Variants in ASIC2 observed in about 807,000 individuals in gnomAD.
The protein encoded by ASIC2 is acid-sensing ion channel 2.
A neutral mutation model predicts 57.3 loss-of-function variants in ASIC2; 25 were observed. That is an observed-to-expected ratio of 0.44 (90% CI 0.32 to 0.61). The LOEUF (loss-of-function observed/expected upper bound fraction) is 0.61. Among genes scored for constraint, ASIC2 ranks in the 20% least tolerant of loss-of-function variants. The pLI is 0.06. For synonymous variants in ASIC2, 319 were observed against 307.5 expected, an observed-to-expected ratio of 1.04 and a Z score of -0.39; for missense variants, 641 against 738.1, an observed-to-expected ratio of 0.87 and a Z score of 1.52.
intron 1 of ASIC2, among the ~76,000 whole-genome samples, chr17:33,839,185 T>C (rs2141906665): frequency 6.6e-6 from 1 of 152,166 alleles, no homozygotes; most frequent in Admixed American, 6.5e-5. Context: ...CTGGGGAGCA[T>C]CTAAGAGTGT....
At chr17:33,169,295 G>C (rs903208797) in intron 1 of ASIC2, among the ~76,000 whole-genome samples, 1 of 152,192 alleles carries the variant, frequency 6.6e-6, no homozygotes, top group Non-Finnish European at 1.5e-5. Context: ...CCCACTCAGG[G>C]GAGTGGTTCA....
At chr17:33,593,964 C>A (rs185343826) in intron 1 of ASIC2, among the ~76,000 whole-genome samples, 1 of 152,316 alleles carries the variant, frequency 6.6e-6, no homozygotes, top group East Asian at 1.9e-4. Context: ...GGCCAGACAG[C>A]ACCTAGTACT....
At chr17:33,227,218 T>C (rs577363623) in intron 1 of ASIC2, among the ~76,000 whole-genome samples, 1 of 152,210 alleles carries the variant, frequency 6.6e-6, no homozygotes, top group Admixed American at 6.5e-5. Context: ...CTTGCCACCC[T>C]AGTTGGAGGG....
At chr17:33,974,050 A>T (rs1397594334) in intron 1 of ASIC2, among the ~76,000 whole-genome samples, 1 of 151,394 alleles carries the variant, frequency 6.6e-6, no homozygotes, top group Non-Finnish European at 1.5e-5. Flanking sequence ...ATCCCCATTC[A>T]CTCAGTCTTC....
intron 1 of ASIC2, among the ~76,000 whole-genome samples, chr17:33,684,300 C>T (rs967936139): frequency 2.6e-5 from 4 of 152,210 alleles, no homozygotes; most frequent in Non-Finnish European, 2.9e-5. Context: ...GCCTAGCACC[C>T]ACTCCCAGCC....
intron 1 of ASIC2, among the ~76,000 whole-genome samples, chr17:33,375,131 T>C (rs1192680316): frequency 6.6e-6 from 1 of 152,110 alleles, no homozygotes; most frequent in African/African-American, 2.4e-5. Context: ...GGATGATAAG[T>C]GTTACATAGA....
intron 1 of ASIC2, among the ~76,000 whole-genome samples, chr17:33,714,095 T>G (rs975739517): frequency 6.6e-6 from 1 of 152,106 alleles, no homozygotes; most frequent in Non-Finnish European, 1.5e-5. Flanking sequence ...GATGGGTGCA[T>G]GTTGTTTGAA....
At chr17:33,502,437 G>A (rs886587221) in intron 1 of ASIC2, among the ~76,000 whole-genome samples, 1 of 152,150 alleles carries the variant, frequency 6.6e-6, no homozygotes, top group Non-Finnish European at 1.5e-5. Flanking sequence ...GGTTATACCC[G>A]CATTTGGGGC....
intron 1 of ASIC2, among the ~76,000 whole-genome samples, chr17:33,968,914 G>A (rs892448928): frequency 1.3e-5 from 2 of 152,250 alleles, no homozygotes; most frequent in Non-Finnish European, 2.9e-5. Context: ...GACAGGTGGT[G>A]AAGGGTGGTC....
chr17:33,873,831 C>A (rs1035195691), intron 1 of ASIC2, among the ~76,000 whole-genome samples: 14 of 152,134 alleles, frequency 9.2e-5, no homozygotes, highest in Admixed American at 2.6e-4. Flanking sequence ...GAAGCAGATG[C>A]CTCAAGCTCC....
chr17:33,089,116 G>T lies in ASIC2; in HGVS notation c.860-126C>A, dbSNP rs1003960092. The T allele has an allele frequency of 4.7e-6, 6 of 1,290,236 alleles. No homozygotes were observed. In the East Asian group the frequency reaches 7.7e-5, roughly 16 times the overall value. The allele number at this position is 1,290,236 out of a possible 1,614,324, so 79.9% of individuals were successfully genotyped here. On this transcript the variant is annotated intron_variant, in intron 2 of 9. Coordinates refer to ENST00000225823, the MANE Select transcript of ASIC2 (RefSeq NM_183377.2). ...ATAAGCAGAATAATGGCCCCCAAAG[G>T]TGTCCACATCCCCACCTCCAGAAAC...
chr17:33,747,162 G>A (rs184879229), intron 1 of ASIC2, among the ~76,000 whole-genome samples: 122 of 150,386 alleles, frequency 8.1e-4, no homozygotes, highest in African/African-American at 3.0e-3. Context: ...GTTCTACTAT[G>A]ATGAACTCTC....
intron 1 of ASIC2, among the ~76,000 whole-genome samples, chr17:33,262,046 G>A (rs992954458): frequency 2.0e-5 from 3 of 152,194 alleles, no homozygotes; most frequent in East Asian, 1.9e-4. Flanking sequence ...GCGCACGACC[G>A]GGTTGTCAGG....
chr17:33,052,083 G>GA (rs1461260943), intron 3 of ASIC2: 1 of 152,110 alleles, frequency 6.6e-6, no homozygotes, highest in Non-Finnish European at 1.5e-5. Flanking sequence ...TGGGACTGCA[G>GA]AAAAAATAGG....
At chr17:33,594,860 G>A (rs200705462) in intron 1 of ASIC2, among the ~76,000 whole-genome samples, 4 of 151,750 alleles carry the variant, frequency 2.6e-5, no homozygotes, top group Non-Finnish European at 4.4e-5. Flanking sequence ...CTGTTTAAGC[G>A]GTGAGTAAGC....
intron 1 of ASIC2, among the ~76,000 whole-genome samples, chr17:33,773,691 G>A (rs2142122377): frequency 7.2e-6 from 1 of 138,054 alleles, no homozygotes; most frequent in African/African-American, 2.7e-5. Flanking sequence ...GTCTCACTCT[G>A]TCCCTCAGGC....
chr17:33,346,921 G>A (rs1297206734), intron 1 of ASIC2, among the ~76,000 whole-genome samples: 1 of 152,180 alleles, frequency 6.6e-6, no homozygotes, highest in African/African-American at 2.4e-5. Context: ...AGAGCAATAG[G>A]AGGGGGAAAT....
At position 33,138,014 on chromosome 17, in the gene ASIC2, A is replaced by C. The variant is rs958299755; in HGVS notation, c.709-25947T>G. ...TCCGGTGACCTTTAAAACATCTGTCACTTGATGTACCTTATGGAATAGGGT... is the reference window on the plus strand; with the variant it reads ...TCCGGTGACCTTTAAAACATCTGTCCCTTGATGTACCTTATGGAATAGGGT... On this transcript the variant is annotated intron_variant, in intron 1 of 9. Transcript: ENST00000225823. Among the ~76,000 whole-genome samples the C allele has an allele frequency of 2.6e-5, 4 of 152,114 alleles. No homozygotes were observed. In the East Asian group the frequency reaches 7.7e-4, roughly 29 times the overall value.
chr17:33,790,455 C>A (rs1911738253), intron 1 of ASIC2, among the ~76,000 whole-genome samples: 1 of 152,092 alleles, frequency 6.6e-6, no homozygotes, highest in Admixed American at 6.5e-5. Context: ...TAAAAATATT[C>A]TTATTTTTCT....
Sources: allele counts gnomAD v4.1 joint callset (sites outside exome capture counted in the v4.1 genomes callset), GRCh38; gene constraint gnomAD v4.1.1; transcripts MANE v1.5; gene names NCBI Gene and HGNC (gene_info 2026-07-23, HGNC 2026-07-21).